HECW1: variants seen among roughly 807,000 people sequenced by gnomAD.
HECW1 encodes the protein E3 ubiquitin-protein ligase HECW1.
A neutral mutation model predicts 182.3 loss-of-function variants in HECW1; 61 were observed. That is an observed-to-expected ratio of 0.33 (90% CI 0.27 to 0.41). HECW1 has a LOEUF of 0.41. HECW1 is among the 10% of genes least tolerant of loss of function. HECW1 has a pLI of 1.00. For synonymous variants in HECW1, 859 were observed against 832.6 expected (o/e 1.03, Z -0.55); for missense variants, 1,739 against 2,108.9 (o/e 0.82, Z 3.44).
intron 3 of HECW1, among the ~76,000 whole-genome samples, chr7:43,283,132 AAAG>A (rs1211269562): frequency 6.6e-6 from 1 of 151,514 alleles, no homozygotes; most frequent in African/African-American, 2.4e-5. Flanking sequence ...CCAAAAAAAA[AAAG>A]AAAGAAAGAA....
intron 24 of HECW1, among the ~76,000 whole-genome samples, chr7:43,535,755 C>T (rs1258461230): frequency 1.3e-5 from 2 of 152,196 alleles, no homozygotes; most frequent in Non-Finnish European, 2.9e-5. Flanking sequence ...TATGCCCCTG[C>T]TCTCACCAAC....
chr7:43,247,241 G>T (rs200279363), intron 3 of HECW1, among the ~76,000 whole-genome samples: 2,497 of 152,288 alleles, frequency 0.016, 65 homozygotes, highest in African/African-American at 0.057. Flanking sequence ...GAAGAAATAT[G>T]CAGGAAAACT....
At chr7:43,161,326 C>G (rs1195830843) in intron 2 of HECW1, among the ~76,000 whole-genome samples, 1 of 152,060 alleles carries the variant, frequency 6.6e-6, no homozygotes, top group Non-Finnish European at 1.5e-5. Flanking sequence ...GTTTTAGATT[C>G]AGTCTGAGAA....
chr7:43,322,952 CTTTTT>C (rs1374212212), intron 5 of HECW1, among the ~76,000 whole-genome samples: 1 of 152,094 alleles, frequency 6.6e-6, no homozygotes, highest in Non-Finnish European at 1.5e-5. Context: ...AAGTTTTTAT[CTTTTT>C]TAAGTCCAGA....
intron 2 of HECW1, among the ~76,000 whole-genome samples, chr7:43,216,726 C>A (rs920258187): frequency 6.6e-6 from 1 of 151,964 alleles, no homozygotes; most frequent in African/African-American, 2.4e-5. Context: ...GTGAACTCAG[C>A]TCACTGCAAC....
chr7:43,518,823 T>C (rs2080294642), intron 24 of HECW1, among the ~76,000 whole-genome samples: 1 of 152,172 alleles, frequency 6.6e-6, no homozygotes, highest in Admixed American at 6.5e-5. Flanking sequence ...TATCACCTTA[T>C]AACGATCAAA....
intron 2 of HECW1, among the ~76,000 whole-genome samples, chr7:43,144,014 G>A (rs950034257): frequency 6.6e-6 from 1 of 152,088 alleles, no homozygotes; most frequent in East Asian, 1.9e-4. Flanking sequence ...CTGCACTCAC[G>A]GTCAGCAAGT....
chr7:43,463,946 T>A lies in HECW1; in HGVS notation c.2791+147T>A. 4.8e-6 allele frequency: 4 copies of A among 838,084 alleles called. No homozygotes were observed. The South Asian group carries it at 8.2e-5, about 17-fold the overall frequency. 51.9% of individuals were successfully genotyped at this position (838,084 alleles called of 1,614,324 possible). ...CCAGGGTGGAGGACAGAGGCATGCC[T>A]GGTGCCCGCAAGGGAAAGCAGACAG... On this transcript the variant is annotated intron_variant, in intron 14 of 29. Coordinates refer to ENST00000395891, the MANE Select transcript of HECW1 (RefSeq NM_015052.5).
At chr7:43,291,753 A>T (rs1434751553) in intron 3 of HECW1, among the ~76,000 whole-genome samples, 1 of 152,230 alleles carries the variant, frequency 6.6e-6, no homozygotes, top group Non-Finnish European at 1.5e-5. Flanking sequence ...CAAGAGAAAA[A>T]CAAACAGAAG....
At chr7:43,161,145 A>G (rs1020082010) in intron 2 of HECW1, among the ~76,000 whole-genome samples, 4 of 152,120 alleles carry the variant, frequency 2.6e-5, no homozygotes, top group African/African-American at 7.2e-5. Flanking sequence ...CTGATTGGGA[A>G]TGAAGGATGA....
At chr7:43,125,362 G>A (rs1198682573) in intron 2 of HECW1, among the ~76,000 whole-genome samples, 1 of 152,160 alleles carries the variant, frequency 6.6e-6, no homozygotes, top group Non-Finnish European at 1.5e-5. Context: ...GAGGGGCTTG[G>A]CACCTCCTGA....
chr7:43,262,749 A>G (rs1461846121), intron 3 of HECW1, among the ~76,000 whole-genome samples: 1 of 152,228 alleles, frequency 6.6e-6, no homozygotes, highest in Non-Finnish European at 1.5e-5. Context: ...AATAGCTACT[A>G]TAAATAGACC....
intron 3 of HECW1, chr7:43,258,630 T>G (rs891672130): frequency 6.6e-6 from 1 of 152,234 alleles, no homozygotes; most frequent in African/African-American, 2.4e-5. Flanking sequence ...TGTTTTTTAA[T>G]GTATTGGCCC....
intron 17 of HECW1, among the ~76,000 whole-genome samples, chr7:43,489,818 C>T (rs1367188604): frequency 3.3e-5 from 5 of 152,170 alleles, no homozygotes; most frequent in Middle Eastern, 3.2e-3. Context: ...CATTAGGGAT[C>T]GTTAAGTAAT....
chr7:43,116,558 G>C (rs1432111600), intron 2 of HECW1, among the ~76,000 whole-genome samples: 5 of 152,184 alleles, frequency 3.3e-5, no homozygotes, highest in Non-Finnish European at 7.3e-5. Flanking sequence ...AAGCTTGACT[G>C]AGTCTCCCAA....
At chr7:43,254,543 A>T (rs1413579515) in intron 3 of HECW1, among the ~76,000 whole-genome samples, 1 of 152,234 alleles carries the variant, frequency 6.6e-6, no homozygotes, top group African/African-American at 2.4e-5. Context: ...ATGTACTGGA[A>T]AACACACAAA....
chr7:43,437,182 G>A (rs1374013112), intron 8 of HECW1, among the ~76,000 whole-genome samples: 3 of 152,048 alleles, frequency 2.0e-5, no homozygotes, highest in African/African-American at 4.8e-5. Context: ...CCTACTCTTC[G>A]TATTCTTCTG....
chr7:43,412,970 G>A (rs952323784), intron 8 of HECW1, among the ~76,000 whole-genome samples: 5 of 148,034 alleles, frequency 3.4e-5, no homozygotes, highest in Admixed American at 2.0e-4. Context: ...TATATACCCA[G>A]TAATGGGATG....
chr7:43,251,762 C>T (rs1021715563), intron 3 of HECW1, among the ~76,000 whole-genome samples: 1 of 152,232 alleles, frequency 6.6e-6, no homozygotes, highest in African/African-American at 2.4e-5. Flanking sequence ...TACAATTCCA[C>T]CCACAAAGTC....
Sources: allele counts gnomAD v4.1 joint callset (sites outside exome capture counted in the v4.1 genomes callset), GRCh38; gene constraint gnomAD v4.1.1; transcripts MANE v1.5; gene names NCBI Gene and HGNC (gene_info 2026-07-23, HGNC 2026-07-21).